Variants in COL5A2 observed in about 807,000 individuals in gnomAD.
The protein encoded by COL5A2 is collagen alpha-2(V) chain.
COL5A2 carries 23 observed loss-of-function variants against 208.2 expected under a neutral mutation model. That is an observed-to-expected ratio of 0.11 (90% CI 0.08 to 0.16). The LOEUF (loss-of-function observed/expected upper bound fraction) is 0.16, where lower values mean the gene tolerates loss of function less well. Among genes scored for constraint, COL5A2 ranks in the 10% least tolerant of loss-of-function variants. COL5A2 has a pLI of 1.00. For synonymous variants in COL5A2, 625 were observed against 628.5 expected, an observed-to-expected ratio of 0.99 and a Z score of 0.08; for missense variants, 1,590 against 1,956.4, an observed-to-expected ratio of 0.81 and a Z score of 3.53.
intron 1 of COL5A2, among the ~76,000 whole-genome samples, chr2:189,219,871 G>C (rs1689325132): frequency 6.5e-5 from 1 of 15,348 alleles, no homozygotes; most frequent in African/African-American, 7.6e-5. Context: ...TGCAGATAGA[G>C]TGCCCCCCCC....
At chr2:189,174,959 C>A (rs2105824053) in intron 1 of COL5A2, among the ~76,000 whole-genome samples, 1 of 152,290 alleles carries the variant, frequency 6.6e-6, no homozygotes, top group Admixed American at 6.5e-5. Flanking sequence ...ATGTGCCATT[C>A]AGTCTTCTTG....
At chr2:189,144,371 G>A (rs1687997483) in intron 1 of COL5A2, among the ~76,000 whole-genome samples, 1 of 152,018 alleles carries the variant, frequency 6.6e-6, no homozygotes, top group African/African-American at 2.4e-5. Context: ...GGAGAGGGGA[G>A]AAAAACAATC....
chr2:189,190,204 G>C (rs1386455447), intron 1 of COL5A2, among the ~76,000 whole-genome samples: 2 of 152,170 alleles, frequency 1.3e-5, no homozygotes, highest in African/African-American at 4.8e-5. Flanking sequence ...CTTAAAGTAT[G>C]TGAGTGATAT....
the COL5A2 span, among the ~76,000 whole-genome samples, chr2:189,313,662 A>G: frequency 0.024 from 3,653 of 152,272 alleles, 158 homozygotes; most frequent in African/African-American, 0.084. Flanking sequence ...TGGATAAAGA[A>G]CCAAGACTCA....
rs116652743 is a variant in COL5A2 at position 189,081,108 on chromosome 2, A to T, written c.853-65T>A. The stretch of plus-strand genomic sequence containing the variant: ...ATAAGGATGCAAAATTCCTTAATAT[A>T]TCATTTTTTCCCAAAAAATAGCTAG... On this transcript the variant is annotated intron_variant, in intron 12 of 53. Transcript: ENST00000374866. 3.4e-4 allele frequency: 466 copies of T among 1,378,416 alleles called. No individual in the cohort carries two copies. The African/African-American group carries it at 6.1e-3, about 18-fold the overall frequency. The allele number at this position is 1,378,416 out of a possible 1,614,324, so 85.4% of individuals were successfully genotyped here. A position where few individuals can be genotyped will look rare whatever the true frequency, so the allele number is the denominator to read the frequency against.
chr2:189,347,885 G>C, the COL5A2 span, among the ~76,000 whole-genome samples: 5 of 152,158 alleles, frequency 3.3e-5, no homozygotes, highest in Non-Finnish European at 7.3e-5. Flanking sequence ...ACTTCACATT[G>C]TCTTTTCACA....
chr2:189,169,875 G>A (rs1445247481), intron 1 of COL5A2, among the ~76,000 whole-genome samples: 1 of 152,126 alleles, frequency 6.6e-6, no homozygotes, highest in African/African-American at 2.4e-5. Context: ...GTGCCACCAT[G>A]CCCAGCTAAT....
At chr2:189,109,860 T>C (rs1687225767) in intron 2 of COL5A2, among the ~76,000 whole-genome samples, 1 of 152,146 alleles carries the variant, frequency 6.6e-6, no homozygotes, top group South Asian at 2.1e-4. Context: ...GATAAATGTG[T>C]TTTCTAGATC....
the COL5A2 span, among the ~76,000 whole-genome samples, chr2:189,373,689 C>T: frequency 1.3e-5 from 2 of 152,028 alleles, no homozygotes; most frequent in African/African-American, 2.4e-5. Flanking sequence ...AAAAATATGG[C>T]AAGGACATAT....
chr2:189,175,241 C>T (rs535735011), intron 1 of COL5A2, among the ~76,000 whole-genome samples: 18 of 152,158 alleles, frequency 1.2e-4, no homozygotes, highest in East Asian at 1.2e-3. Context: ...GACTAAATTC[C>T]GGCCAACTGT....
In COL5A2 at chr2:189,085,197, C is replaced by G; in HGVS notation, c.761G>C (p.Arg254Pro). 1 of 1,611,322 alleles carries G rather than the reference C, an allele frequency of 6.2e-7. No individual in the cohort carries two copies. The highest frequency in any genetic ancestry group is 8.5e-7 in the Non-Finnish European group (1 of 1,178,558). Residue 254 changes from arginine (R) to proline (P), a missense_variant, in exon 11 of 54, where the codon CGT becomes CCT. Arg to Pro is a moderately radical substitution (Grantham distance 103, BLOSUM62 -2). Coordinates refer to ENST00000374866, the MANE Select transcript of COL5A2 (RefSeq NM_000393.5). Reference sequence around the variant, plus strand: ...TTTACCAGGAGGGCCCTCTGGTCCACGTGAACCAATCGGACCCTAATAACA... The same window carrying G: ...TTTACCAGGAGGGCCCTCTGGTCCAGGTGAACCAATCGGACCCTAATAACA... Reference protein sequence around the residue: ...DPGPMGPIGSRGPEGPPGKPG... With the variant: ...DPGPMGPIGSPGPEGPPGKPG...
intron 3 of COL5A2, among the ~76,000 whole-genome samples, chr2:189,102,783 G>T (rs1490566109): frequency 6.6e-6 from 1 of 152,088 alleles, no homozygotes; most frequent in Admixed American, 6.6e-5. Flanking sequence ...TCAATGAGTT[G>T]TAAGTAAATA....
intron 1 of COL5A2, among the ~76,000 whole-genome samples, chr2:189,173,450 T>G (rs904830537): frequency 3.9e-5 from 6 of 152,212 alleles, no homozygotes; most frequent in Non-Finnish European, 8.8e-5. Context: ...AGGTTGCCAA[T>G]ATGGTCACAC....
In COL5A2 at chr2:189,112,695, A is replaced by G. The variant is rs576673376; in HGVS notation, c.98-2246T>C. On this transcript the variant is annotated intron_variant, in intron 1 of 53. Transcript: ENST00000374866. The stretch of plus-strand genomic sequence containing the variant: ...ATAATACATATCTAATCAACAAAAC[A>G]GTATTAGCTCTATGTCCATAGTGCT... Among the ~76,000 whole-genome samples the G allele has an allele frequency of 2.6e-5, 4 of 152,316 alleles. No individual in the cohort carries two copies. In the South Asian group the frequency reaches 8.3e-4, roughly 32 times the overall value.
chr2:189,097,337 C>G lies in COL5A2; in HGVS notation c.403-7G>C, dbSNP rs756690452. On this transcript the variant is annotated splice_region_variant and splice_polypyrimidine_tract_variant and intron_variant, in intron 5 of 53. Transcript: ENST00000374866. ...CCTGTGATCCTGGAGGTCCCTAAAACAGAAAATGATGATTATGCATGCAAA... is the reference window on the plus strand; with the variant it reads ...CCTGTGATCCTGGAGGTCCCTAAAAGAGAAAATGATGATTATGCATGCAAA... 6.2e-7 allele frequency: 1 copy of G among 1,613,960 alleles called. No homozygotes were observed.
the COL5A2 span, among the ~76,000 whole-genome samples, chr2:189,399,462 G>A: frequency 1.3e-5 from 2 of 151,962 alleles, no homozygotes; most frequent in Non-Finnish European, 2.9e-5. Flanking sequence ...TGTTGGCCAG[G>A]CTGGTCTCAA....
rs762874073 is a variant in COL5A2, at chr2:189,179,600, A to G, written c.5T>C (p.Met2Thr). 45 of 1,603,242 alleles carry G rather than the reference A, an allele frequency of 2.8e-5. No homozygotes were observed. The highest frequency in any genetic ancestry group is 3.3e-5 in the Non-Finnish European group (39 of 1,173,334). Residue 2 changes from methionine to threonine, a missense_variant, in exon 1 of 54, where the codon ATG (methionine) becomes ACG (threonine). By Grantham distance (81) the Met-to-Thr change is moderately conservative. Coordinates refer to ENST00000374866, the MANE Select transcript of COL5A2 (RefSeq NM_000393.5). The stretch of plus-strand genomic sequence containing the variant: ...AGGTCTTGCTTCCGCCCAGTTTGCC[A>G]TCATGTCTAAATATTAGACATGTGG... M[M>T]ANWAEARPLL...
At chr2:189,414,594 A>G in the COL5A2 span, among the ~76,000 whole-genome samples, 5 of 151,996 alleles carry the variant, frequency 3.3e-5, no homozygotes, top group African/African-American at 4.8e-5. Context: ...TACTAAAAAT[A>G]CAAAAATTAG....
chr2:189,293,649 C>G, the COL5A2 span, among the ~76,000 whole-genome samples: 1 of 152,158 alleles, frequency 6.6e-6, no homozygotes, highest in Non-Finnish European at 1.5e-5. Context: ...GCTAGCTATC[C>G]TCTTCAGCCA....
Sources: gnomAD v4.1 joint callset for allele counts (sites outside exome capture counted in the v4.1 genomes callset) on GRCh38, gnomAD v4.1.1 for gene constraint, MANE v1.5 for transcripts, NCBI Gene and HGNC (gene_info 2026-07-23, HGNC 2026-07-21) for gene names.